TIAM2: variants seen among roughly 807,000 people sequenced by gnomAD.
TIAM2 encodes the protein TIAM Rac1 associated GEF 2.
TIAM2 carries 80 observed loss-of-function variants against 152.9 expected under a neutral mutation model. That is an observed-to-expected ratio of 0.52 (90% CI 0.44 to 0.63). The LOEUF is 0.63. Ranked by LOEUF, TIAM2 falls within the 30% of genes least tolerant of loss-of-function variation. TIAM2 has a pLI of 0.00. For synonymous variants in TIAM2, 804 were observed against 838.0 expected (o/e 0.96, Z 0.70); for missense variants, 1,965 against 2,120.1 (o/e 0.93, Z 1.44).
At chr6:155,169,939 C>T (rs1252041387) in intron 9 of TIAM2, among the ~76,000 whole-genome samples, 1 of 152,130 alleles carries the variant, frequency 6.6e-6, no homozygotes, top group African/African-American at 2.4e-5. Context: ...CTGCCTCAGC[C>T]TCCTGAGTAG....
chr6:155,021,532 G>A (rs1776494403), intron 1 of TIAM2, among the ~76,000 whole-genome samples: 1 of 152,036 alleles, frequency 6.6e-6, no homozygotes, highest in East Asian at 1.9e-4. Context: ...ACAGTGCTGG[G>A]ATTACAGGCA....
chr6:155,249,923 C>A lies in TIAM2; in HGVS notation c.3905C>A (p.Thr1302Asn), dbSNP rs1215362150. Residue 1302 changes from threonine to asparagine, a missense_variant, in exon 21 of 27, where the codon ACC becomes AAC. Physicochemically the swap from Thr to Asn is moderately conservative, Grantham distance 65. This residue lies in a region of TIAM2 where 935 missense variants were observed against 980.0 expected (regional missense o/e 0.95). Coordinates refer to ENST00000682666, the MANE Select transcript of TIAM2 (RefSeq NM_012454.4). ...CAGAAGATCTATGAGGATTATGGGACCGTGTTTGACCAGCTAGTAGCTGAG... is the reference window on the plus strand; with the variant it reads ...CAGAAGATCTATGAGGATTATGGGAACGTGTTTGACCAGCTAGTAGCTGAG... ...EMQKIYEDYG[T>N]VFDQLVAEQS... 4 of 1,614,054 alleles carry A rather than the reference C, an allele frequency of 2.5e-6. No individual in the cohort carries two copies. The highest frequency in any genetic ancestry group is 3.4e-6 in the Non-Finnish European group (4 of 1,179,996).
chr6:155,225,881 A>G (rs1782223326), intron 15 of TIAM2, among the ~76,000 whole-genome samples: 1 of 152,200 alleles, frequency 6.6e-6, no homozygotes, highest in African/African-American at 2.4e-5. Context: ...CCAGCAAAAA[A>G]CACTGAACAA....
intron 2 of TIAM2, among the ~76,000 whole-genome samples, chr6:155,124,030 A>G (rs1193382138): frequency 1.3e-5 from 2 of 152,118 alleles, no homozygotes; most frequent in African/African-American, 4.8e-5. Context: ...CATTTTTGAG[A>G]CAGAGTTGAC....
intron 1 of TIAM2, among the ~76,000 whole-genome samples, chr6:155,040,438 C>G (rs1174453965): frequency 6.6e-6 from 1 of 152,172 alleles, no homozygotes; most frequent in Admixed American, 6.5e-5. Context: ...AACAGCCTAA[C>G]ACAAGCTGAG....
intron 2 of TIAM2, among the ~76,000 whole-genome samples, chr6:155,127,216 A>G (rs1779315435): frequency 6.6e-6 from 1 of 152,188 alleles, no homozygotes; most frequent in Non-Finnish European, 1.5e-5. Context: ...TGAGCCACGC[A>G]TGACTCACTG....
Position 155,043,915 on chromosome 6 carries a change from G to A in TIAM2, c.-208-46374G>A, listed in dbSNP as rs993503207. Reference sequence around the variant, plus strand: ...AGTCTAGATACAGGAAACTTCATCCGAGAGGCTTCTTACCCCATAGTGTAC... The same window carrying A: ...AGTCTAGATACAGGAAACTTCATCCAAGAGGCTTCTTACCCCATAGTGTAC... On this transcript the variant is annotated intron_variant, in intron 1 of 26. Coordinates refer to ENST00000682666, the MANE Select transcript of TIAM2 (RefSeq NM_012454.4). 4.6e-5 allele frequency among the ~76,000 whole-genome samples: 7 copies of A among 152,040 alleles called. No homozygotes were observed. In the East Asian group the frequency reaches 5.8e-4, roughly 13 times the overall value.
Position 155,108,539 on chromosome 6 carries a change from G to A in TIAM2, c.-118+18160G>A, listed in dbSNP as rs565039821. Among the ~76,000 whole-genome samples, 7 of 152,272 alleles carry A rather than the reference G, an allele frequency of 4.6e-5. No homozygotes were observed. In the East Asian group the frequency reaches 5.8e-4, roughly 13 times the overall value. ...GACTCAAATTCATACTGACCAGACC[G>A]TAAATAGTGTTTTGAATGCAAATAG... On this transcript the variant is annotated intron_variant, in intron 2 of 26. Coordinates refer to ENST00000682666, the MANE Select transcript of TIAM2 (RefSeq NM_012454.4).
At position 155,211,316 on chromosome 6, in the gene TIAM2, C is replaced by T. The variant is rs748918066; in HGVS notation, c.3168+9C>T. ...TGGAGCAGACATTCAGGGTAAGATA[C>T]TGGCCCAAATCGCAAACCAAGAACC... On this transcript the variant is annotated intron_variant, in intron 15 of 26. Transcript: ENST00000682666. 22 of 1,610,926 alleles carry T rather than the reference C, an allele frequency of 1.4e-5. No individual in the cohort carries two copies. In the Admixed American group the frequency reaches 3.0e-4, roughly 22 times the overall value.
intron 1 of TIAM2, among the ~76,000 whole-genome samples, chr6:155,045,316 C>G (rs1777151007): frequency 6.6e-6 from 1 of 152,144 alleles, no homozygotes; most frequent in African/African-American, 2.4e-5. Context: ...CCCATCTTGG[C>G]CTCCCAAAAT....
chr6:155,002,288 G>A (rs1223655600), intron 1 of TIAM2, among the ~76,000 whole-genome samples: 1 of 152,156 alleles, frequency 6.6e-6, no homozygotes, highest in Admixed American at 6.5e-5. Flanking sequence ...GCATATGCCT[G>A]TAGTCCCAGC....
chr6:155,210,919 G>T (rs1383385343), intron 14 of TIAM2, among the ~76,000 whole-genome samples: 3 of 152,176 alleles, frequency 2.0e-5, no homozygotes, highest in African/African-American at 7.2e-5. Flanking sequence ...GGGGAGCATA[G>T]TTCACACAAC....
chr6:155,207,941 G>C (rs1781632197), intron 14 of TIAM2, among the ~76,000 whole-genome samples: 1 of 152,108 alleles, frequency 6.6e-6, no homozygotes, highest in African/African-American at 2.4e-5. Context: ...GGATTCACTT[G>C]GCACCCGCTT....
intron 1 of TIAM2, among the ~76,000 whole-genome samples, chr6:155,027,077 C>A (rs1776618515): frequency 6.6e-6 from 1 of 151,734 alleles, no homozygotes; most frequent in Non-Finnish European, 1.5e-5. Flanking sequence ...GCTCTGTCAC[C>A]CAGGCTGGAG....
Position 155,193,454 on chromosome 6 carries a change from C to T in TIAM2, c.3064+9954C>T, listed in dbSNP as rs749723435. Among the ~76,000 whole-genome samples, 8 of 152,182 alleles carry T rather than the reference C, an allele frequency of 5.3e-5. No homozygotes were observed. In the East Asian group the frequency reaches 1.5e-3, roughly 29 times the overall value. ...CATTGGAAAAGTATTGGGAAGCTCA[C>T]GGTGGCAGATACAAATTTTCCAAAA... On this transcript the variant is annotated intron_variant, in intron 14 of 26. Coordinates refer to ENST00000682666, the MANE Select transcript of TIAM2 (RefSeq NM_012454.4).
At chr6:155,165,190 C>T (rs1780391303) in intron 8 of TIAM2, 73 bp from the exon 9 acceptor site, 1 of 1,469,822 alleles carries the variant, frequency 6.8e-7, no homozygotes, top group Non-Finnish European at 9.1e-7. Context: ...GCAAGCAGAG[C>T]TCACTTCCTT....
At position 155,240,531 on chromosome 6, in the gene TIAM2, G is replaced by C; in HGVS notation, c.3170G>C (p.Ser1057Thr). ...TTTCCACCTCTTGTCCTCTCTCAGA[G>C]TGCTGAGCAGATCACTGCACTGTGC... is the stretch of plus-strand genomic sequence containing the variant. ...HREKMEQTFRSAEQITALCRS... is the reference protein window; with the variant it reads ...HREKMEQTFRTAEQITALCRS... The change falls in exon 16 of 27, where the codon AGT becomes ACT. Residue 1057 changes from serine (S) to threonine (T), a missense_variant and splice_region_variant. Ser to Thr is a moderately conservative substitution (Grantham distance 58). Transcript: ENST00000682666. The C allele has an allele frequency of 3.7e-6, 6 of 1,609,996 alleles. No homozygotes were observed. The highest frequency in any genetic ancestry group is 5.1e-6 in the Non-Finnish European group (6 of 1,177,186).
chr6:155,043,740 C>T (rs1388042849), intron 1 of TIAM2, among the ~76,000 whole-genome samples: 1 of 151,890 alleles, frequency 6.6e-6, no homozygotes, highest in African/African-American at 2.4e-5. Context: ...TGCCATGCAC[C>T]CAGGGTGATC....
Position 155,183,476 on chromosome 6 carries a change from A to G in TIAM2, c.3040A>G (p.Asn1014Asp). The stretch of plus-strand genomic sequence containing the variant: ...CCAACTGCTGGAGGAATTCCTGGAT[A>G]ACTTTAAAAAGAATACAGCCAATGG... ...QSQLLEEFLDNFKKNTANDFS... is the reference protein window; with the variant it reads ...QSQLLEEFLDDFKKNTANDFS... Residue 1014 changes from asparagine to aspartate, a missense_variant, in exon 14 of 27, where the codon AAC (asparagine) becomes GAC (aspartate). This residue lies in a region of TIAM2 where 935 missense variants were observed against 980.0 expected (regional missense o/e 0.95). Coordinates refer to ENST00000682666, the MANE Select transcript of TIAM2 (RefSeq NM_012454.4). The G allele has an allele frequency of 6.2e-7, 1 of 1,613,502 alleles. No homozygotes were observed. Among genetic ancestry groups the G allele is most frequent in the Non-Finnish European group, 8.5e-7 (1 of 1,179,850 alleles).
Sources: allele counts gnomAD v4.1 joint callset (sites outside exome capture counted in the v4.1 genomes callset), GRCh38; gene constraint gnomAD v4.1.1; regional missense constraint gnomAD v4.1.1; transcripts MANE v1.5; gene names NCBI Gene and HGNC (gene_info 2026-07-23, HGNC 2026-07-21).